TDP1: variants seen among roughly 807,000 people sequenced by gnomAD.
TDP1 encodes tyr-DNA phosphodiesterase 1.
TDP1 carries 64 observed loss-of-function variants against 81.5 expected under a neutral mutation model. That is an observed-to-expected ratio of 0.79 (90% CI 0.64 to 0.97). The LOEUF (loss-of-function observed/expected upper bound fraction) is 0.97. Among genes scored for constraint, TDP1 ranks in the 50% least tolerant of loss-of-function variants. The pLI, the probability that TDP1 is intolerant of heterozygous loss-of-function variation, is 0.00. For missense variants in TDP1, 723 were observed against 743.8 expected (o/e 0.97, Z 0.33); for synonymous variants, 256 against 264.3 (o/e 0.97, Z 0.30).
intron 14 of TDP1, among the ~76,000 whole-genome samples, chr14:89,995,049 T>C (rs1156298374): frequency 6.6e-6 from 1 of 152,260 alleles, no homozygotes; most frequent in Non-Finnish European, 1.5e-5. Flanking sequence ...TAATGTCGAA[T>C]GGCTGTTACT....
intron 1 of TDP1, 95 bp downstream of exon 1, chr14:89,956,065 CG>C (rs1021636390): frequency 6.6e-6 from 1 of 152,584 alleles, no homozygotes; most frequent in African/African-American, 2.4e-5. Flanking sequence ...TCGCGGTGCG[CG>C]GGCTGCTGGG....
chr14:89,973,016 T>C (rs1394847727), intron 6 of TDP1, among the ~76,000 whole-genome samples: 1 of 152,176 alleles, frequency 6.6e-6, no homozygotes, highest in Non-Finnish European at 1.5e-5. Context: ...ATATATGATA[T>C]CTTTGTATTT....
chr14:89,974,653 C>T (rs376549255), intron 6 of TDP1, among the ~76,000 whole-genome samples: 5 of 143,000 alleles, frequency 3.5e-5, no homozygotes, highest in South Asian at 2.1e-4. Flanking sequence ...TGCAGGCCCC[C>T]GTTGCTCAGC....
intron 14 of TDP1, among the ~76,000 whole-genome samples, chr14:90,000,613 G>A (rs935134020): frequency 2.0e-5 from 3 of 152,064 alleles, no homozygotes; most frequent in Non-Finnish European, 2.9e-5. Flanking sequence ...TTGAACTCCC[G>A]ACCTCAGATG....
chr14:89,962,953 A>C, intron 2 of TDP1, 155 bp from the exon 3 acceptor site: 1 of 985,402 alleles, frequency 1.0e-6, no homozygotes, highest in South Asian at 4.7e-5. Context: ...GGATTCTGGT[A>C]ATGTGCTTAT....
chr14:89,980,763 G>A lies in TDP1; in HGVS notation c.884+131G>A. 3 of 776,954 alleles carry A rather than the reference G, an allele frequency of 3.9e-6. No individual in the cohort carries two copies. The South Asian group carries it at 4.7e-5, about 12-fold the overall frequency. 48.1% of individuals were successfully genotyped at this position (776,954 alleles called of 1,614,324 possible). A position where few individuals can be genotyped will look rare whatever the true frequency, so the allele number is the denominator to read the frequency against. ...ATAACACACATGGCCTAGAAAAAGA[G>A]TTGTATGCAGAAAAAGTTACTGTAT... is the stretch of plus-strand genomic sequence containing the variant. On this transcript the variant is annotated intron_variant, in intron 8 of 16. Transcript: ENST00000335725.
chr14:90,037,581 G>A (rs34599352), intron 16 of TDP1, among the ~76,000 whole-genome samples: 15,049 of 152,004 alleles, frequency 0.099, 1,688 homozygotes, highest in African/African-American at 0.27. Flanking sequence ...AAGAATTCCT[G>A]CACACTCTTT....
intron 5 of TDP1, among the ~76,000 whole-genome samples, chr14:89,967,717 C>T (rs560935516): frequency 2.0e-5 from 3 of 152,198 alleles, no homozygotes; most frequent in Admixed American, 6.5e-5. Context: ...AGGAAAATAC[C>T]ATCTCCACAT....
At chr14:90,039,536 T>C (rs1888150861) in intron 16 of TDP1, among the ~76,000 whole-genome samples, 1 of 152,244 alleles carries the variant, frequency 6.6e-6, no homozygotes, top group Non-Finnish European at 1.5e-5. Flanking sequence ...GGAAAATGTA[T>C]GTGTGGGTGT....
At position 90,007,354 on chromosome 14, in the gene TDP1, C is replaced by T. The variant is rs35438499; in HGVS notation, c.1542-11962C>T. Among the ~76,000 whole-genome samples the T allele has an allele frequency of 2.2e-3, 335 of 152,220 alleles. 3 individuals carry two copies. Among genetic ancestry groups the T allele is most frequent in the African/African-American group, 7.4e-3 (308 of 41,524 alleles). ...CTGTAATCCCAGCACTTTAGGAAGCCAAGGCCGGTGGATCAGTTGAGACCA... is the reference window on the plus strand; with the variant it reads ...CTGTAATCCCAGCACTTTAGGAAGCTAAGGCCGGTGGATCAGTTGAGACCA... On this transcript the variant is annotated intron_variant, in intron 14 of 16. Transcript: ENST00000335725.
In TDP1 at chr14:89,998,446, GTATATGTATA is replaced by G. The variant is rs1404725408; in HGVS notation, c.1541+4977_1541+4986del. On this transcript the variant is annotated intron_variant, in intron 14 of 16. Coordinates refer to ENST00000335725, the MANE Select transcript of TDP1 (RefSeq NM_018319.4). Reference sequence around the variant, plus strand: ...TATGTATGTATGTATGTATGTATATGTATATGTATATATATGTATATATTAATTCATGTAA... The same window carrying G: ...TATGTATGTATGTATGTATGTATATGTATATGTATATATTAATTCATGTAA... Among the ~76,000 whole-genome samples, 217 of 107,982 alleles carry G rather than the reference GTATATGTATA, an allele frequency of 2.0e-3. 1 individual carries two copies. Among genetic ancestry groups the G allele is most frequent in the Non-Finnish European group, 3.5e-3 (188 of 53,638 alleles). The allele number at this position is 107,982 out of a possible 152,430, so 70.8% of individuals were successfully genotyped here.
At chr14:90,029,430 C>T (rs1446967210) in intron 15 of TDP1, among the ~76,000 whole-genome samples, 1 of 151,292 alleles carries the variant, frequency 6.6e-6, no homozygotes, top group African/African-American at 2.4e-5. Flanking sequence ...AACTCCTGAC[C>T]TCAGGTCATC....
chr14:90,032,205 A>G (rs1441398665), intron 15 of TDP1, among the ~76,000 whole-genome samples: 2 of 152,160 alleles, frequency 1.3e-5, no homozygotes, highest in African/African-American at 2.4e-5. Context: ...CCCAGTCAAC[A>G]CGGACCTCCC....
chr14:90,022,840 T>C lies in TDP1; in HGVS notation c.1644+3422T>C, dbSNP rs184197326. 2.1e-5 allele frequency: 17 copies of C among 813,922 alleles called. No homozygotes were observed. The African/African-American group carries it at 3.2e-4, about 15-fold the overall frequency. The allele number at this position is 813,922 out of a possible 1,614,324, so 50.4% of individuals were successfully genotyped here. On this transcript the variant is annotated intron_variant, in intron 15 of 16. Coordinates refer to ENST00000335725, the MANE Select transcript of TDP1 (RefSeq NM_018319.4). ...ATTTGTGCCATGAGGTAGTTTGTCGTTTCGCTGAGTTTATACGTGCACAGG... is the reference window on the plus strand; with the variant it reads ...ATTTGTGCCATGAGGTAGTTTGTCGCTTCGCTGAGTTTATACGTGCACAGG...
At chr14:89,967,294 C>CATTTAAGGAAATGTAA in intron 4 of TDP1, 73 bp from the exon 5 acceptor site, 1 of 1,475,828 alleles carries the variant, frequency 6.8e-7, no homozygotes, top group Non-Finnish European at 9.5e-7. Context: ...AATGTAATAA[C>CATTTAAGGAAATGTAA]TAAACAATTC....
chr14:89,980,465 T>A, intron 7 of TDP1, 75 bp from the exon 8 acceptor site: 1 of 1,483,520 alleles, frequency 6.7e-7, no homozygotes, highest in Non-Finnish European at 9.4e-7. Flanking sequence ...AGCTATGTAT[T>A]ACATTTGCAT....
At position 89,989,776 on chromosome 14, in the gene TDP1, G is replaced by A; in HGVS notation, c.1366+11G>A. 1 of 1,597,630 alleles carries A rather than the reference G, an allele frequency of 6.3e-7. No homozygotes were observed. Among genetic ancestry groups the A allele is most frequent in the African/African-American group, 1.3e-5 (1 of 74,630 alleles). On this transcript the variant is annotated intron_variant, in intron 12 of 16. Coordinates refer to ENST00000335725, the MANE Select transcript of TDP1 (RefSeq NM_018319.4). ...TAGAAGGATATCCTGGTAATTCTTG[G>A]GGAGACTGTCTTGATTGTGTTTTAT...
chr14:89,982,873 C>T (rs746230316), intron 8 of TDP1, among the ~76,000 whole-genome samples: 2 of 152,092 alleles, frequency 1.3e-5, no homozygotes, highest in African/African-American at 2.4e-5. Flanking sequence ...TTTTTGTATA[C>T]AATCTCACTT....
intron 5 of TDP1, among the ~76,000 whole-genome samples, chr14:89,969,389 T>C (rs970874496): frequency 2.6e-5 from 4 of 152,222 alleles, no homozygotes; most frequent in Non-Finnish European, 5.9e-5. Flanking sequence ...AGAATTTGTA[T>C]GTAGAAAAAT....
Sources: gnomAD v4.1 joint callset for allele counts (sites outside exome capture counted in the v4.1 genomes callset) on GRCh38, gnomAD v4.1.1 for gene constraint, MANE v1.5 for transcripts, NCBI Gene and HGNC (gene_info 2026-07-23, HGNC 2026-07-21) for gene names.